The following SBNO1 variants were observed in gnomAD, a reference collection of about 807,000 sequenced individuals.
SBNO1 encodes the protein strawberry notch homolog 1.
SBNO1 carries 23 observed loss-of-function variants against 173.6 expected under a neutral mutation model. The ratio of observed to expected loss-of-function variants is 0.13; its 90% CI spans 0.10 to 0.19. The LOEUF (loss-of-function observed/expected upper bound fraction) is 0.19, where lower values mean the gene tolerates loss of function less well. Among genes scored for constraint, SBNO1 ranks in the 10% least tolerant of loss-of-function variants. The probability of loss-of-function intolerance (pLI) is 1.00; values close to 1 mark genes in which losing one functional copy is unlikely to be tolerated. For missense variants in SBNO1, 1,238 were observed against 1,671.2 expected (o/e 0.74, Z 4.52); for synonymous variants, 632 against 571.5 (o/e 1.11, Z -1.51).
chr12:123,313,252 A>ATAAATAAATAAT (rs1868834957), intron 24 of SBNO1, among the ~76,000 whole-genome samples: 1 of 143,868 alleles, frequency 7.0e-6, no homozygotes, highest in South Asian at 2.2e-4. Flanking sequence ...AAATAAATAA[A>ATAAATAAATAAT]TAATTTTTAA....
chr12:123,300,035 T>C (rs1486094816), intron 30 of SBNO1, among the ~76,000 whole-genome samples: 2 of 152,114 alleles, frequency 1.3e-5, no homozygotes, highest in African/African-American at 2.4e-5. Flanking sequence ...AGAGGCTACA[T>C]GTAAATTTAA....
Position 123,302,904 on chromosome 12 carries a change from T to G in SBNO1, c.3769-4A>C. ...TCAGGGCATCATCTGAGACGACCTG[T>G]AAAAATGAGAAGAATTTCATTGAAA... On this transcript the variant is annotated splice_polypyrimidine_tract_variant and splice_region_variant and intron_variant, in intron 29 of 31. Transcript: ENST00000602398. 1 of 1,607,032 alleles carries G rather than the reference T, an allele frequency of 6.2e-7. No homozygotes were observed. Among genetic ancestry groups the G allele is most frequent in the Non-Finnish European group, 8.5e-7 (1 of 1,173,766 alleles).
Position 123,320,580 on chromosome 12 carries a change from C to T in SBNO1, c.2519G>A (p.Ser840Asn). Reference protein sequence around the residue: ...PANSNTNSNSSLITSQDAVER... With the variant: ...PANSNTNSNSNLITSQDAVER... ...CACAGCATCCTGACTTGTTATAAGG[C>T]TACTGTTACTGTTGGTGTTACTGTT... The change falls in exon 19 of 32, where the codon AGC (serine) becomes AAC (asparagine). Residue 840 changes from serine (S) to asparagine (N), a missense_variant. Around this residue, in one of 14 missense-constraint regions of SBNO1, gnomAD observed 74 missense variants for 68.5 expected, o/e 1.08. Coordinates refer to ENST00000602398, the MANE Select transcript of SBNO1 (RefSeq NM_001167856.3). 1 of 1,613,866 alleles carries T rather than the reference C, an allele frequency of 6.2e-7. No individual in the cohort carries two copies. Among genetic ancestry groups the T allele is most frequent in the Non-Finnish European group, 8.5e-7 (1 of 1,179,876 alleles).
chr12:123,300,226 T>C (rs1428005584), intron 30 of SBNO1, among the ~76,000 whole-genome samples: 1 of 152,214 alleles, frequency 6.6e-6, no homozygotes, highest in East Asian at 1.9e-4. Context: ...TTTGTTGTTT[T>C]TTAAGTTAAT....
rs186692992 is a variant in SBNO1 at position 123,310,379 on chromosome 12, G to A, written c.3296-523C>T. On this transcript the variant is annotated intron_variant, in intron 25 of 31. Transcript: ENST00000602398. ...CTCCTGAGTAGCTGGGATTACAGGC[G>A]CCCGCCACTATGCCTGGATAATTTT... is the stretch of plus-strand genomic sequence containing the variant. 1.7e-3 allele frequency among the ~76,000 whole-genome samples: 250 copies of A among 150,348 alleles called. 1 individual carries two copies. The highest frequency in any genetic ancestry group is 5.5e-3 in the African/African-American group (226 of 40,896).
At chr12:123,356,256 G>C (rs1482572486) in intron 1 of SBNO1, among the ~76,000 whole-genome samples, 2 of 152,212 alleles carry the variant, frequency 1.3e-5, no homozygotes. Context: ...ACTGTGTGAA[G>C]TAAATGTGAT....
chr12:123,309,210 A>T (rs2048996027), intron 28 of SBNO1, 100 bp downstream of exon 28: 7 of 854,074 alleles, frequency 8.2e-6, no homozygotes, highest in Middle Eastern at 2.2e-4. Context: ...AGACAAAGCT[A>T]AACACAACTG....
At chr12:123,311,210 A>T in intron 24 of SBNO1, 81 bp from the exon 25 acceptor site, 1 of 1,003,304 alleles carries the variant, frequency 1.0e-6, no homozygotes, top group Non-Finnish European at 1.6e-6. Flanking sequence ...AGTATGTTGT[A>T]AGTAGTATCA....
At chr12:123,331,865 T>A (rs1461769200) in intron 7 of SBNO1, among the ~76,000 whole-genome samples, 2 of 151,982 alleles carry the variant, frequency 1.3e-5, no homozygotes, top group Admixed American at 1.3e-4. Flanking sequence ...CTTTTTTTTC[T>A]TTTTTTGAAA....
Position 123,321,739 on chromosome 12 carries a change from T to C in SBNO1, c.2126-7A>G. Reference sequence around the variant, plus strand: ...TCTCGAGTTATTTCTTCACCTACCCTCCGCCACAAACAAGAGAGTCAGCCC... The same window carrying C: ...TCTCGAGTTATTTCTTCACCTACCCCCCGCCACAAACAAGAGAGTCAGCCC... On this transcript the variant is annotated splice_polypyrimidine_tract_variant and splice_region_variant and intron_variant, in intron 16 of 31. Coordinates refer to ENST00000602398, the MANE Select transcript of SBNO1 (RefSeq NM_001167856.3). 2 of 1,613,146 alleles carry C rather than the reference T, an allele frequency of 1.2e-6. No individual in the cohort carries two copies. The highest frequency in any genetic ancestry group is 1.7e-6 in the Non-Finnish European group (2 of 1,179,370).
rs977557961 is a variant in SBNO1 at position 123,291,547 on chromosome 12, T to C, written c.*4361A>G. On this transcript the variant is annotated 3_prime_UTR_variant, in exon 32 of 32. Coordinates refer to ENST00000602398, the MANE Select transcript of SBNO1 (RefSeq NM_001167856.3). ...AAGTGCATCCCCCCAGTACAATGCA[T>C]TGCACACAACACAATAAGACATAGT... 1 of 152,042 alleles carries C rather than the reference T, an allele frequency of 6.6e-6. No individual in the cohort carries two copies. Among genetic ancestry groups the C allele is most frequent in the Non-Finnish European group, 1.5e-5 (1 of 68,000 alleles). The allele number at this position is 152,042 out of a possible 1,614,324, so 9.4% of individuals were successfully genotyped here. A position where few individuals can be genotyped will look rare whatever the true frequency, so the allele number is the denominator to read the frequency against.
chr12:123,311,712 C>CTATATATATATATATATATA (rs1468911576), intron 24 of SBNO1, among the ~76,000 whole-genome samples: 1 of 69,068 alleles, frequency 1.4e-5, no homozygotes, highest in African/African-American at 5.6e-5. Context: ...ATCTATCTAT[C>CTATATATATATATATATATA]TATCTATCTA....
At position 123,327,585 on chromosome 12, in the gene SBNO1, T is replaced by C; in HGVS notation, c.1539-6A>G. The C allele has an allele frequency of 6.2e-7, 1 of 1,612,256 alleles. No homozygotes were observed. The highest frequency in any genetic ancestry group is 1.1e-5 in the South Asian group (1 of 90,966). ...TTTCCATGGCACCAACTCCTCTGAATAAAATTAAAACATACAGTAATTACC... is the reference window on the plus strand; with the variant it reads ...TTTCCATGGCACCAACTCCTCTGAACAAAATTAAAACATACAGTAATTACC... On this transcript the variant is annotated splice_region_variant and splice_polypyrimidine_tract_variant and intron_variant, in intron 12 of 31. Coordinates refer to ENST00000602398, the MANE Select transcript of SBNO1 (RefSeq NM_001167856.3).
At chr12:123,300,372 T>A (rs1354664767) in intron 30 of SBNO1, among the ~76,000 whole-genome samples, 1 of 152,124 alleles carries the variant, frequency 6.6e-6, no homozygotes, top group Non-Finnish European at 1.5e-5. Flanking sequence ...TTAGAAAATG[T>A]TTAGGCCAGG....
intron 5 of SBNO1, among the ~76,000 whole-genome samples, chr12:123,339,612 C>T (rs995609070): frequency 6.6e-6 from 1 of 152,042 alleles, no homozygotes; most frequent in African/African-American, 2.4e-5. Context: ...TGTGGTAAAA[C>T]CCCGTCTCTA....
intron 1 of SBNO1, among the ~76,000 whole-genome samples, chr12:123,361,353 A>T (rs550628607): frequency 1.3e-5 from 2 of 152,114 alleles, no homozygotes; most frequent in African/African-American, 4.8e-5. Flanking sequence ...GTTCAAGAAC[A>T]GCCTGATCAA....
rs1470241348 is a variant in SBNO1, at chr12:123,295,869, A to G, written c.*39T>C. 1.2e-6 allele frequency: 2 copies of G among 1,600,988 alleles called. No homozygotes were observed. Among genetic ancestry groups the G allele is most frequent in the East Asian group, 2.2e-5 (1 of 44,670 alleles). ...TTTTATGCAAATGATATGCTTCAAC[A>G]GCATTTCAGATCCATCCATGTTGAA... On this transcript the variant is annotated 3_prime_UTR_variant, in exon 32 of 32. Coordinates refer to ENST00000602398, the MANE Select transcript of SBNO1 (RefSeq NM_001167856.3).
chr12:123,290,071 T>C lies in SBNO1; in HGVS notation c.*5837A>G. 1 of 152,250 alleles carries C rather than the reference T, an allele frequency of 6.6e-6. No homozygotes were observed. The highest frequency in any genetic ancestry group is 1.9e-4 in the East Asian group (1 of 5,194). The allele number at this position is 152,250 out of a possible 1,614,324, so 9.4% of individuals were successfully genotyped here. On this transcript the variant is annotated 3_prime_UTR_variant, in exon 32 of 32. Coordinates refer to ENST00000602398, the MANE Select transcript of SBNO1 (RefSeq NM_001167856.3). ...AGAACCCGCCTTTTTGGGCTTCTTCTTTTCCTTGCTTAGCCCTGCACTAAG... is the reference window on the plus strand; with the variant it reads ...AGAACCCGCCTTTTTGGGCTTCTTCCTTTCCTTGCTTAGCCCTGCACTAAG...
intron 30 of SBNO1, among the ~76,000 whole-genome samples, chr12:123,302,031 C>G (rs1272422203): frequency 6.6e-6 from 1 of 151,322 alleles, no homozygotes; most frequent in African/African-American, 2.4e-5. Flanking sequence ...ACCTCCGCCT[C>G]CCGGGTTCAA....
Sources: gnomAD v4.1 joint callset for allele counts (sites outside exome capture counted in the v4.1 genomes callset) on GRCh38, gnomAD v4.1.1 for gene constraint, gnomAD v4.1.1 regional missense constraint, MANE v1.5 for transcripts, NCBI Gene and HGNC (gene_info 2026-07-23, HGNC 2026-07-21) for gene names.